The following PGPEP1L variants were observed in gnomAD, a reference collection of about 807,000 sequenced individuals.
The protein encoded by PGPEP1L is pyroglutamyl-peptidase 1-like protein.
In PGPEP1L, 7 loss-of-function variants were observed where a neutral mutation model predicts 6.0. That is an observed-to-expected ratio of 1.17 (90% CI 0.66 to 2.19). PGPEP1L has a LOEUF of 2.19. Among genes scored for constraint, PGPEP1L ranks in the 30% most tolerant of loss-of-function variants. The pLI, the probability that PGPEP1L is intolerant of heterozygous loss-of-function variation, is 0.00. For missense variants in PGPEP1L, 209 were observed against 192.5 expected, an observed-to-expected ratio of 1.09 and a Z score of -0.51; for synonymous variants, 103 against 83.9, an observed-to-expected ratio of 1.23 and a Z score of -1.24.
intron 2 of PGPEP1L, among the ~76,000 whole-genome samples, chr15:98,987,165 CAAAAAAAAAA>C (rs57923635): frequency 1.2e-3 from 41 of 33,398 alleles, no homozygotes; most frequent in Admixed American, 4.4e-3. Flanking sequence ...GACTCCATCT[CAAAAAAAAAA>C]AAAAAAAAAA....
rs1555469977 is a variant in PGPEP1L at position 98,969,586 on chromosome 15, G to A, written c.48C>T (p.Asn16=). The part of the protein sequence containing the change: ...KAIILEQSGK[N]QGYRDADIRS... ...GGATGTCGGCGTCCCGGTAGCCTTG[G>A]TTCTTGCCAGACTGTTCCAGAATGA... The change falls in exon 4 of 5, where the codon AAC becomes AAT. Residue 16 remains asparagine, a synonymous_variant. Coordinates refer to ENST00000535714, the MANE Select transcript of PGPEP1L (RefSeq NM_001167902.2). 1 of 1,613,672 alleles carries A rather than the reference G, an allele frequency of 6.2e-7. No individual in the cohort carries two copies. Among genetic ancestry groups the A allele is most frequent in the African/African-American group, 1.3e-5 (1 of 74,944 alleles).
chr15:98,999,882 T>C (rs2017936077), intron 2 of PGPEP1L, among the ~76,000 whole-genome samples: 1 of 152,278 alleles, frequency 6.6e-6, no homozygotes, highest in Non-Finnish European at 1.5e-5. Flanking sequence ...GGTGACAGCA[T>C]GCTGGCAGTC....
chr15:98,992,198 C>A (rs1173568674), intron 2 of PGPEP1L, among the ~76,000 whole-genome samples: 1 of 152,150 alleles, frequency 6.6e-6, no homozygotes, highest in African/African-American at 2.4e-5. Flanking sequence ...ATTTAGAAAA[C>A]CCCATCGTCT....
intron 2 of PGPEP1L, among the ~76,000 whole-genome samples, chr15:98,996,484 G>A (rs2017888981): frequency 6.6e-6 from 1 of 151,038 alleles, no homozygotes; most frequent in African/African-American, 2.4e-5. Flanking sequence ...GTGTATATGG[G>A]TGTATGTCTA....
chr15:98,991,229 A>G (rs2017815745), intron 2 of PGPEP1L, among the ~76,000 whole-genome samples: 1 of 152,152 alleles, frequency 6.6e-6, no homozygotes, highest in South Asian at 2.1e-4. Context: ...CTAATAAAGA[A>G]AAGAGAGAAG....
At chr15:99,004,834 G>A (rs1342212283) in intron 2 of PGPEP1L, among the ~76,000 whole-genome samples, 208 of 152,084 alleles carry the variant, frequency 1.4e-3, no homozygotes, top group Non-Finnish European at 2.3e-3. Flanking sequence ...GCTGGTGTTT[G>A]CAGGAGTGAG....
intron 2 of PGPEP1L, among the ~76,000 whole-genome samples, chr15:99,004,960 CTG>C (rs2018028516): frequency 6.6e-6 from 1 of 151,922 alleles, no homozygotes; most frequent in Non-Finnish European, 1.5e-5. Context: ...GAAGTGGGGA[CTG>C]TGTGTTCCTT....
rs73465774 is a variant in PGPEP1L, at chr15:98,969,271, C to A, written c.209+154G>T. On this transcript the variant is annotated intron_variant, in intron 4 of 4. Transcript: ENST00000535714. ...GGCAAGGTGTGAGCAACTGTGCTGG[C>A]CTGCACACAGCAAAGAGGGGCAATC... Among the ~76,000 whole-genome samples, 439 of 152,270 alleles carry A rather than the reference C, an allele frequency of 2.9e-3. 4 individuals carry two copies. The highest frequency in any genetic ancestry group is 0.01 in the African/African-American group (427 of 41,566).
At chr15:98,980,495 A>T (rs2017642439) in intron 2 of PGPEP1L, among the ~76,000 whole-genome samples, 1 of 152,168 alleles carries the variant, frequency 6.6e-6, no homozygotes, top group Non-Finnish European at 1.5e-5. Flanking sequence ...CAGGAGGAGG[A>T]CTCAGCTCTC....
chr15:99,003,203 TAA>T (rs11292817), intron 2 of PGPEP1L, among the ~76,000 whole-genome samples: 96 of 135,064 alleles, frequency 7.1e-4, no homozygotes, highest in African/African-American at 7.5e-4. Context: ...ATAGTGAGAT[TAA>T]AAAAAAAAAA....
At chr15:98,990,458 T>TA (rs1158741567) in intron 2 of PGPEP1L, among the ~76,000 whole-genome samples, 2 of 152,148 alleles carry the variant, frequency 1.3e-5, no homozygotes, top group Non-Finnish European at 2.9e-5. Context: ...CCCAGATTCA[T>TA]AAAGGAAGTT....
intron 1 of PGPEP1L, among the ~76,000 whole-genome samples, chr15:99,006,327 C>T (rs548490639): frequency 8.5e-5 from 13 of 152,336 alleles, no homozygotes; most frequent in Admixed American, 8.5e-4. Context: ...GTTCTACCTG[C>T]GAAAAGTGCT....
intron 2 of PGPEP1L, among the ~76,000 whole-genome samples, chr15:98,996,454 C>T (rs1264408852): frequency 6.6e-6 from 1 of 152,140 alleles, no homozygotes; most frequent in Non-Finnish European, 1.5e-5. Flanking sequence ...TCACTCACCT[C>T]AGCCTGAAGC....
chr15:98,972,950 C>T (rs989104782), intron 2 of PGPEP1L, among the ~76,000 whole-genome samples: 2 of 142,288 alleles, frequency 1.4e-5, no homozygotes, highest in Non-Finnish European at 3.0e-5. Context: ...TCCAACTATA[C>T]GTTGTCTACA....
Position 98,992,906 on chromosome 15 carries a change from G to A in PGPEP1L, c.-142+12523C>T, listed in dbSNP as rs190785646. Among the ~76,000 whole-genome samples the A allele has an allele frequency of 6.4e-3, 970 of 152,338 alleles. 4 individuals are homozygous for A. Among genetic ancestry groups the A allele is most frequent in the Non-Finnish European group, 0.011 (720 of 68,040 alleles). On this transcript the variant is annotated intron_variant, in intron 2 of 4. Coordinates refer to ENST00000535714, the MANE Select transcript of PGPEP1L (RefSeq NM_001167902.2). ...ACTGGCTAGCCATATGCAGAAAGCT[G>A]AAACTGGAACCCTTCCTTACACCTT...
At chr15:98,997,409 T>TCA (rs2151764969) in intron 2 of PGPEP1L, among the ~76,000 whole-genome samples, 1 of 152,282 alleles carries the variant, frequency 6.6e-6, no homozygotes, top group South Asian at 2.1e-4. Context: ...AATAAAGACC[T>TCA]CACCTTGATC....
intron 2 of PGPEP1L, among the ~76,000 whole-genome samples, chr15:98,977,740 T>C (rs8038301): frequency 0.07 from 10,730 of 152,292 alleles, 648 homozygotes; most frequent in African/African-American, 0.16. Flanking sequence ...TTGGTCTATG[T>C]GTTCTGTCCG....
intron 2 of PGPEP1L, among the ~76,000 whole-genome samples, chr15:98,981,834 G>C (rs1402666): frequency 0.92 from 140,212 of 152,256 alleles, 64,655 homozygotes; most frequent in South Asian, 0.94. Context: ...TAAAAAGTTT[G>C]TCTAAAAAAA....
At chr15:98,996,500 A>G (rs1293401937) in intron 2 of PGPEP1L, among the ~76,000 whole-genome samples, 2 of 141,788 alleles carry the variant, frequency 1.4e-5, no homozygotes, top group African/African-American at 2.7e-5. Context: ...GTCTAGATGT[A>G]TACATGCATG....
Sources: gnomAD v4.1 joint callset for allele counts (sites outside exome capture counted in the v4.1 genomes callset) on GRCh38, gnomAD v4.1.1 for gene constraint, MANE v1.5 for transcripts, NCBI Gene and HGNC (gene_info 2026-07-23, HGNC 2026-07-21) for gene names.